Variants in MYO9A observed in about 807,000 individuals in gnomAD.
The protein encoded by MYO9A is unconventional myosin-IXa.
Under a neutral mutation model 293.3 loss-of-function variants are expected in MYO9A, and 103 were observed. That is an observed-to-expected ratio of 0.35 (90% confidence interval 0.30 to 0.41). The LOEUF (loss-of-function observed/expected upper bound fraction) is 0.41. Among genes scored for constraint, MYO9A ranks in the 10% least tolerant of loss-of-function variants. The pLI, the probability that MYO9A is intolerant of heterozygous loss-of-function variation, is 1.00. For synonymous variants in MYO9A, 1,001 were observed against 1,035.7 expected (o/e 0.97, Z 0.64); for missense variants, 2,685 against 3,033.0 (o/e 0.89, Z 2.69).
intron 7 of MYO9A, among the ~76,000 whole-genome samples, chr15:72,008,248 CTCTA>C (rs1463533692): frequency 2.0e-5 from 3 of 152,182 alleles, no homozygotes; most frequent in Admixed American, 2.0e-4. Flanking sequence ...GGCCATGCCT[CTCTA>C]AATGCTATTT....
chr15:72,000,066 G>T (rs2148665175), intron 8 of MYO9A, 126 bp from the exon 9 acceptor site: 1 of 615,036 alleles, frequency 1.6e-6, no homozygotes, highest in Admixed American at 3.6e-5. Context: ...GAGAAAAAAG[G>T]CAATACACTG....
At chr15:71,847,500 GA>G (rs559198219) in intron 39 of MYO9A, 26 of 450,514 alleles carry the variant, frequency 5.8e-5, no homozygotes, top group African/African-American at 4.8e-4. Flanking sequence ...AAGGAAAGCA[GA>G]AGGTTAGAAT....
At chr15:71,938,341 A>G (rs1191046061) in intron 16 of MYO9A, among the ~76,000 whole-genome samples, 2 of 20,012 alleles carry the variant, frequency 1.0e-4, no homozygotes, top group Non-Finnish European at 5.3e-4. Flanking sequence ...AATAGTATAT[A>G]TAAAAAACAA....
At chr15:72,114,923 G>C (rs2080914685) in intron 1 of MYO9A, among the ~76,000 whole-genome samples, 1 of 152,030 alleles carries the variant, frequency 6.6e-6, no homozygotes, top group Non-Finnish European at 1.5e-5. Context: ...ACATTTCTCT[G>C]CTATTAAAGA....
At chr15:71,960,386 C>T (rs2075708927) in intron 13 of MYO9A, 1 of 335,890 alleles carries the variant, frequency 3.0e-6, no homozygotes, top group Non-Finnish European at 5.5e-6. Context: ...TTCCCTCTCT[C>T]TTGCCATGTG....
At chr15:72,082,075 T>C (rs1330637921) in intron 1 of MYO9A, among the ~76,000 whole-genome samples, 2 of 152,156 alleles carry the variant, frequency 1.3e-5, no homozygotes, top group Non-Finnish European at 1.5e-5. Context: ...AAGAATGTCA[T>C]TGGTAGTTTG....
At chr15:71,934,483 C>A (rs2058570158) in intron 17 of MYO9A, among the ~76,000 whole-genome samples, 2 of 152,104 alleles carry the variant, frequency 1.3e-5, no homozygotes, top group Admixed American at 6.5e-5. Context: ...TATTATTAAG[C>A]AGTGATTCAG....
intron 3 of MYO9A, among the ~76,000 whole-genome samples, chr15:72,029,126 T>A (rs2077780143): frequency 6.6e-6 from 1 of 152,182 alleles, no homozygotes; most frequent in Admixed American, 6.5e-5. Flanking sequence ...TTTCATTACA[T>A]ATATCTGGTG....
intron 14 of MYO9A, 104 bp from the exon 15 acceptor site, chr15:71,952,000 A>G: frequency 8.1e-7 from 1 of 1,232,432 alleles, no homozygotes; most frequent in Non-Finnish European, 1.1e-6. Flanking sequence ...CCAACTATTT[A>G]AGGGTGTATA....
chr15:71,827,818 T>A (rs1416745127), intron 41 of MYO9A, 66 bp downstream of exon 41: 3 of 1,506,540 alleles, frequency 2.0e-6, no homozygotes, highest in Non-Finnish European at 2.7e-6. Flanking sequence ...TTTGTCTTAG[T>A]TTTGGAATCT....
chr15:72,058,914 G>C (rs181718559), intron 1 of MYO9A, among the ~76,000 whole-genome samples: 1 of 152,304 alleles, frequency 6.6e-6, no homozygotes, highest in Admixed American at 6.5e-5. Context: ...GCAGTGTTCT[G>C]TGCAGTGTTC....
intron 1 of MYO9A, among the ~76,000 whole-genome samples, chr15:72,100,898 C>T (rs1410723458): frequency 7.5e-5 from 11 of 146,248 alleles, no homozygotes; most frequent in African/African-American, 2.8e-4. Context: ...GCCGGCCAGC[C>T]GCCCGGTCCG....
At chr15:71,887,944 CTA>C in intron 27 of MYO9A, 58 bp downstream of exon 27, 1 of 968,614 alleles carries the variant, frequency 1.0e-6, no homozygotes, top group Non-Finnish European at 1.5e-6. Flanking sequence ...CAGTACTTAA[CTA>C]TAGTCAGTTA....
rs759307135 is a variant in MYO9A, at chr15:71,938,936, AT to A, written c.2303-10del. 3 of 1,601,270 alleles carry A rather than the reference AT, an allele frequency of 1.9e-6. No homozygotes were observed. The highest frequency in any genetic ancestry group is 2.6e-6 in the Non-Finnish European group (3 of 1,174,090). On this transcript the variant is annotated splice_polypyrimidine_tract_variant and intron_variant, in intron 15 of 41. Transcript: ENST00000356056. The stretch of plus-strand genomic sequence containing the variant: ...ATTTTTCCGGGTTATACCTAGCAAA[AT>A]TTAAAAAACAGAAAATTTCAAATCA...
At chr15:71,949,184 C>T (rs1471756403) in intron 15 of MYO9A, among the ~76,000 whole-genome samples, 1 of 152,040 alleles carries the variant, frequency 6.6e-6, no homozygotes, top group African/African-American at 2.4e-5. Context: ...GGTCACTGAT[C>T]TTCCTGGATC....
intron 25 of MYO9A, chr15:71,897,091 A>G (rs559646543): frequency 5.5e-6 from 1 of 182,702 alleles, no homozygotes; most frequent in South Asian, 1.5e-4. Flanking sequence ...CTGTAACAAA[A>G]CAAATTAACT....
chr15:72,016,054 C>T (rs2077329140), intron 6 of MYO9A, among the ~76,000 whole-genome samples: 1 of 151,994 alleles, frequency 6.6e-6, no homozygotes, highest in African/African-American at 2.4e-5. Context: ...ATTCATTCTC[C>T]ATATTTTATA....
At chr15:71,851,402 T>G in intron 36 of MYO9A, 44 bp from the exon 37 acceptor site, 1 of 1,452,550 alleles carries the variant, frequency 6.9e-7, no homozygotes, top group Non-Finnish European at 9.6e-7. Flanking sequence ...TATCCCCCCT[T>G]ATACAGTGTA....
chr15:71,875,676 C>T (rs955125118), intron 32 of MYO9A, 115 bp downstream of exon 32: 22 of 448,560 alleles, frequency 4.9e-5, no homozygotes, highest in Non-Finnish European at 7.6e-5. Flanking sequence ...TGATTATTGC[C>T]TAGGTACCTG....
Sources: allele counts gnomAD v4.1 joint callset (sites outside exome capture counted in the v4.1 genomes callset), GRCh38; gene constraint gnomAD v4.1.1; transcripts MANE v1.5; gene names NCBI Gene and HGNC (gene_info 2026-07-23, HGNC 2026-07-21).